Variants in MIS18BP1 observed in about 807,000 individuals in gnomAD.
MIS18BP1 encodes mis18-binding protein 1.
Under a neutral mutation model 116.1 loss-of-function variants are expected in MIS18BP1, and 72 were observed. The observed-to-expected ratio is 0.62, with a 90% CI of 0.51 to 0.75. MIS18BP1 has a LOEUF of 0.75. Among genes scored for constraint, MIS18BP1 ranks in the 30% least tolerant of loss-of-function variants. The pLI is 0.00. For missense variants in MIS18BP1, 1,363 were observed against 1,303.2 expected (o/e 1.05, Z -0.71); for synonymous variants, 386 against 427.0 (o/e 0.90, Z 1.18).
intron 10 of MIS18BP1, among the ~76,000 whole-genome samples, chr14:45,225,146 G>A (rs1891090970): frequency 6.6e-6 from 1 of 152,102 alleles, no homozygotes; most frequent in Admixed American, 6.6e-5. Flanking sequence ...ACTCTGCTTT[G>A]AAGATGTTCT....
intron 2 of MIS18BP1, among the ~76,000 whole-genome samples, chr14:45,246,381 A>G (rs1211238061): frequency 6.6e-6 from 1 of 152,178 alleles, no homozygotes; most frequent in Non-Finnish European, 1.5e-5. Flanking sequence ...TGCCTAGATC[A>G]TCCTTCCCCA....
At chr14:45,237,842 C>G (rs1184943700) in intron 4 of MIS18BP1, 121 bp from the exon 5 acceptor site, 12 of 1,308,624 alleles carry the variant, frequency 9.2e-6, no homozygotes, top group Non-Finnish European at 1.2e-5. Flanking sequence ...TTAGTGTCAT[C>G]GATGTAAGAT....
At chr14:45,223,160 T>C (rs1594509932) in intron 11 of MIS18BP1, among the ~76,000 whole-genome samples, 1 of 152,214 alleles carries the variant, frequency 6.6e-6, no homozygotes, top group African/African-American at 2.4e-5. Flanking sequence ...GAAGTCCCCC[T>C]TTCTGCTCCT....
intron 9 of MIS18BP1, 45 bp downstream of exon 9, chr14:45,227,617 CT>C (rs773955351): frequency 6.2e-5 from 95 of 1,532,674 alleles, no homozygotes; most frequent in Non-Finnish European, 8.1e-5. Context: ...GTAAATCACC[CT>C]TCTAAATATC....
chr14:45,216,890 G>T (rs1204425112), intron 13 of MIS18BP1, 129 bp downstream of exon 13: 7 of 950,632 alleles, frequency 7.4e-6, no homozygotes, highest in African/African-American at 1.7e-5. Flanking sequence ...TTTGCCATAA[G>T]ACTATGATCA....
Position 45,227,788 on chromosome 14 carries a change from A to T in MIS18BP1, c.1621T>A (p.Ser541Thr). 1 of 1,613,954 alleles carries T rather than the reference A, an allele frequency of 6.2e-7. No individual in the cohort carries two copies. The highest frequency in any genetic ancestry group is 1.1e-5 in the South Asian group (1 of 91,072). ...ATGTTTAATTCTGTAGCTCCTGGTG[A>T]CTCACTGTGCTTATTACTCTTCAGT... ...LELKSNKHSE[S>T]PGATELNMCH... is the part of the protein sequence containing the mutation. The change falls in exon 9 of 17, where the codon TCA becomes ACA. Residue 541 changes from serine (S) to threonine (T), a missense_variant. Physicochemically the swap from Ser to Thr is moderately conservative, Grantham distance 58 (BLOSUM62 1). Transcript: ENST00000310806.
chr14:45,237,725 A>T lies in MIS18BP1; in HGVS notation c.1144-4T>A. 6.3e-7 allele frequency: 1 copy of T among 1,597,178 alleles called. No individual in the cohort carries two copies. Among genetic ancestry groups the T allele is most frequent in the African/African-American group, 1.4e-5 (1 of 73,896 alleles). On this transcript the variant is annotated splice_region_variant and splice_polypyrimidine_tract_variant and intron_variant, in intron 4 of 16. Coordinates refer to ENST00000310806, the MANE Select transcript of MIS18BP1 (RefSeq NM_018353.5). ...TCCATTCCTGTAGCTGAACTACCTA[A>T]TCAAGTATAAAACAAAGAACATATT...
At chr14:45,251,688 C>T (rs1482719044) in intron 1 of MIS18BP1, among the ~76,000 whole-genome samples, 2 of 151,350 alleles carry the variant, frequency 1.3e-5, no homozygotes, top group Non-Finnish European at 3.0e-5. Flanking sequence ...TCAAAGAGAC[C>T]TAATAAATCA....
At position 45,231,192 on chromosome 14, in the gene MIS18BP1, C is replaced by T. The variant is rs780715903; in HGVS notation, c.1543G>A (p.Asp515Asn). ...MKNDARENQTDTAQRATTTYD... is the reference protein window; with the variant it reads ...MKNDARENQTNTAQRATTTYD... ...GTGGTGGTGGCTCTTTGAGCAGTATCTGTTTGGTTTTCTCGTGCATCATTT... is the reference window on the plus strand; with the variant it reads ...GTGGTGGTGGCTCTTTGAGCAGTATTTGTTTGGTTTTCTCGTGCATCATTT... The change falls in exon 8 of 17, where the codon GAT (aspartate) becomes AAT (asparagine). Residue 515 changes from aspartate to asparagine, a missense_variant. Physicochemically the swap from Asp to Asn is conservative, Grantham distance 23. Coordinates refer to ENST00000310806, the MANE Select transcript of MIS18BP1 (RefSeq NM_018353.5). 5.6e-6 allele frequency: 9 copies of T among 1,613,980 alleles called. No individual in the cohort carries two copies. Among genetic ancestry groups the T allele is most frequent in the Non-Finnish European group, 7.6e-6 (9 of 1,179,942 alleles).
rs180769903 is a variant in MIS18BP1 at position 45,221,512 on chromosome 14, A to G, written c.2669+2406T>C. 2.9e-3 allele frequency among the ~76,000 whole-genome samples: 436 copies of G among 152,312 alleles called. 3 individuals carry two copies. The highest frequency in any genetic ancestry group is 0.01 in the African/African-American group (423 of 41,584). The stretch of plus-strand genomic sequence containing the variant: ...CTTTAAGTCTTCTTCTTTGACCCAC[A>G]GATTAGTTATACGTATTAATAAGTT... On this transcript the variant is annotated intron_variant, in intron 11 of 16. Transcript: ENST00000310806.
chr14:45,237,394 CAG>C (rs974696495), intron 5 of MIS18BP1, among the ~76,000 whole-genome samples: 2 of 151,936 alleles, frequency 1.3e-5, no homozygotes, highest in Non-Finnish European at 2.9e-5. Context: ...ATTAGCACCT[CAG>C]AAAAAAATAA....
In MIS18BP1 at chr14:45,235,869, T is replaced by C. The variant is rs910188636; in HGVS notation, c.1293A>G (p.Ser431=). 1 of 1,611,374 alleles carries C rather than the reference T, an allele frequency of 6.2e-7. No homozygotes were observed. Among genetic ancestry groups the C allele is most frequent in the African/African-American group, 1.3e-5 (1 of 74,838 alleles). Reference sequence around the variant, plus strand: ...TGCCTTTTAATATATAAACGTTGCCTGATATAGTCCTAAGTTTGTTGTGCT... The same window carrying C: ...TGCCTTTTAATATATAAACGTTGCCCGATATAGTCCTAAGTTTGTTGTGCT... The part of the protein sequence containing the change: ...RIEHNKLRTI[S]GNVYILKGMI... The change falls in exon 6 of 17, where the codon TCA becomes TCG. Residue 431 remains serine (S), a synonymous_variant. Transcript: ENST00000310806.
rs1235671382 is a variant in MIS18BP1 at position 45,226,617 on chromosome 14, A to G, written c.1840+126T>C. On this transcript the variant is annotated intron_variant, in intron 10 of 16. Transcript: ENST00000310806. ...TTATGTAAAAATAACAAAACCAAAC[A>G]TTTAAAAACATTAAATAATTTGCCA... 1.2e-5 allele frequency: 10 copies of G among 827,964 alleles called. No individual in the cohort carries two copies. In the South Asian group the frequency reaches 1.6e-4, roughly 13 times the overall value. The allele number at this position is 827,964 out of a possible 1,614,324, so 51.3% of individuals were successfully genotyped here.
chr14:45,225,190 C>T (rs1206394285), intron 10 of MIS18BP1, among the ~76,000 whole-genome samples: 3 of 152,126 alleles, frequency 2.0e-5, no homozygotes, highest in South Asian at 4.1e-4. Context: ...CTACCTGCTT[C>T]GATTTTATTC....
At chr14:45,243,671 T>A (rs1891644773) in intron 2 of MIS18BP1, among the ~76,000 whole-genome samples, 1 of 152,130 alleles carries the variant, frequency 6.6e-6, no homozygotes, top group African/African-American at 2.4e-5. Context: ...AGATAAAGAT[T>A]TCATTATAAC....
intron 1 of MIS18BP1, among the ~76,000 whole-genome samples, chr14:45,248,444 A>G (rs954715137): frequency 6.6e-6 from 1 of 152,178 alleles, no homozygotes; most frequent in African/African-American, 2.4e-5. Context: ...ATATAGTTGC[A>G]TTAACTAATA....
chr14:45,217,052 G>C lies in MIS18BP1; in HGVS notation c.2970C>G (p.Phe990Leu). Residue 990 changes from phenylalanine (F) to leucine (L), a missense_variant, in exon 13 of 17, where the codon TTC (phenylalanine) becomes TTG (leucine). Phe to Leu is a conservative substitution (Grantham distance 22). Transcript: ENST00000310806. ...QLPKDDHDDF[F>L]STTPLQHQRI... ...TTTGATGCTGTAAAGGTGTTGTACTGAAAAAATCATCATGGTCATCTTTTG... is the reference window on the plus strand; with the variant it reads ...TTTGATGCTGTAAAGGTGTTGTACTCAAAAAATCATCATGGTCATCTTTTG... 6.2e-7 allele frequency: 1 copy of C among 1,614,058 alleles called. No individual in the cohort carries two copies. The highest frequency in any genetic ancestry group is 8.5e-7 in the Non-Finnish European group (1 of 1,179,972).
intron 10 of MIS18BP1, among the ~76,000 whole-genome samples, 153 bp from the exon 11 acceptor site, chr14:45,224,899 C>T (rs1395477009): frequency 1.3e-5 from 2 of 152,108 alleles, no homozygotes; most frequent in African/African-American, 2.4e-5. Flanking sequence ...TTTCTGAAGC[C>T]CAGGTCTATT....
At chr14:45,218,575 C>T in intron 11 of MIS18BP1, 121 bp from the exon 12 acceptor site, 1 of 923,126 alleles carries the variant, frequency 1.1e-6, no homozygotes, top group Non-Finnish European at 1.5e-6. Flanking sequence ...TTATCAAAAT[C>T]ATTCTGGATA....
Sources: allele counts gnomAD v4.1 joint callset (sites outside exome capture counted in the v4.1 genomes callset), GRCh38; gene constraint gnomAD v4.1.1; transcripts MANE v1.5; gene names NCBI Gene and HGNC (gene_info 2026-07-23, HGNC 2026-07-21).